The following PRAM1 variants were observed in gnomAD, a reference collection of about 807,000 sequenced individuals.
PRAM1 encodes PML-RARA regulated adaptor molecule 1, also known as PML-RARA-regulated adapter molecule 1.
Under a neutral mutation model 55.3 loss-of-function variants are expected in PRAM1, and 41 were observed. The observed-to-expected ratio is 0.74, with a 90% CI of 0.58 to 0.96. PRAM1 has a LOEUF of 0.96. Ranked by LOEUF, PRAM1 falls within the 40% of genes least tolerant of loss-of-function variation. The pLI, the probability that PRAM1 is intolerant of heterozygous loss-of-function variation, is 0.00. For missense variants in PRAM1, 898 were observed against 892.7 expected, an observed-to-expected ratio of 1.01 and a Z score of -0.08; for synonymous variants, 401 against 387.1, an observed-to-expected ratio of 1.04 and a Z score of -0.42.
rs937062538 is a variant in PRAM1 at position 8,490,539 on chromosome 19, G to C, written c.1907-30C>G. The C allele has an allele frequency of 1.2e-6, 2 of 1,606,168 alleles. No homozygotes were observed. Among genetic ancestry groups the C allele is most frequent in the Non-Finnish European group, 1.7e-6 (2 of 1,176,596 alleles). On this transcript the variant is annotated intron_variant, in intron 7 of 9. Coordinates refer to ENST00000423345, the MANE Select transcript of PRAM1 (RefSeq NM_032152.5). The surrounding 1 kb of genome is among the most constrained non-coding windows in gnomAD (Gnocchi z 7.3). ...GGAGAGAGTGGGCATGGTGGGTTCT[G>C]AGGCCCAGGGTGGCGGCGGGGACCT...
Position 8,498,266 on chromosome 19 carries a change from C to T in PRAM1, c.1456G>A (p.Ala486Thr), listed in dbSNP as rs757273249. ...SIDLRRTRSA[A>T]GLHFQDRQPE... ...TGTCGGTCCTGGAAGTGGAGCCCAGCGGCCGAGCGGGTCCTCCGTAGATCT... is the reference window on the plus strand; with the variant it reads ...TGTCGGTCCTGGAAGTGGAGCCCAGTGGCCGAGCGGGTCCTCCGTAGATCT... Residue 486 changes from alanine to threonine, a missense_variant, in exon 3 of 10, where the codon GCT becomes ACT. Ala to Thr is a moderately conservative substitution (Grantham distance 58). This residue lies in a region of PRAM1 where 787 missense variants were observed against 735.4 expected (regional missense o/e 1.07). Transcript: ENST00000423345. 3.7e-6 allele frequency: 6 copies of T among 1,612,420 alleles called. No homozygotes were observed. The highest frequency in any genetic ancestry group is 1.3e-5 in the African/African-American group (1 of 74,918).
In PRAM1 at chr19:8,502,554, C is replaced by G. The variant is rs766937167; in HGVS notation, c.27+11G>C. 6.1e-5 allele frequency: 93 copies of G among 1,517,690 alleles called. No individual in the cohort carries two copies. The highest frequency in any genetic ancestry group is 4.2e-4 in the Admixed American group (21 of 49,562). The allele number at this position is 1,517,690 out of a possible 1,614,324, so 94.0% of individuals were successfully genotyped here. On this transcript the variant is annotated intron_variant, in intron 1 of 9. Coordinates refer to ENST00000423345, the MANE Select transcript of PRAM1 (RefSeq NM_032152.5). ...CCAGCCAGTGAGGCACAGGCCTCTT[C>G]CAGCACTCACCATGGCTGCAGGCAG... is the stretch of plus-strand genomic sequence containing the variant.
Position 8,498,211 on chromosome 19 carries a change from C to T in PRAM1, c.1499+12G>A, listed in dbSNP as rs747443224. 1 of 1,610,590 alleles carries T rather than the reference C, an allele frequency of 6.2e-7. No homozygotes were observed. The highest frequency in any genetic ancestry group is 1.1e-5 in the South Asian group (1 of 90,426). Reference sequence around the variant, plus strand: ...CAATCCGCACCCACCTCCGCTTCCTCCCCACACTCACTGCGGGATGTCTTC... The same window carrying T: ...CAATCCGCACCCACCTCCGCTTCCTTCCCACACTCACTGCGGGATGTCTTC... On this transcript the variant is annotated intron_variant, in intron 3 of 9. Transcript: ENST00000423345.
intron 4 of PRAM1, among the ~76,000 whole-genome samples, chr19:8,494,776 CGCCTGCTACCACACCCA>C (rs1376369118): frequency 2.0e-5 from 3 of 151,096 alleles, no homozygotes; most frequent in Non-Finnish European, 4.4e-5. Context: ...GGATTACAGG[CGCCTGCTACCACACCCA>C]GCTAATTTTT....
At position 8,498,945 on chromosome 19, in the gene PRAM1, G is replaced by A; in HGVS notation, c.863C>T (p.Pro288Leu). 2 of 1,613,906 alleles carry A rather than the reference G, an allele frequency of 1.2e-6. No individual in the cohort carries two copies. The highest frequency in any genetic ancestry group is 2.2e-5 in the South Asian group (2 of 91,088). ...GGTCCTGGTGAGGTCCCCAAGCTCA[G>A]GCTGCGGAGGCTTCTTGGGAAAGTC... is the stretch of plus-strand genomic sequence containing the variant. ...LSDFPKKPPQ[P>L]ELGDLTRTSS... The change falls in exon 2 of 10, where the codon CCT becomes CTT. Residue 288 changes from proline (P) to leucine (L), a missense_variant. By Grantham distance (98) the Pro-to-Leu change is moderately conservative (BLOSUM62 -3). Transcript: ENST00000423345.
intron 4 of PRAM1, among the ~76,000 whole-genome samples, chr19:8,496,517 G>T (rs537397334): frequency 4.3e-4 from 66 of 152,134 alleles, no homozygotes; most frequent in African/African-American, 1.5e-3. Context: ...TTGAGGTCAG[G>T]AGCTTGAGAC....
At chr19:8,491,065 G>GCC (rs749377339) in intron 5 of PRAM1, 35 bp downstream of exon 5, 2 of 1,611,268 alleles carry the variant, frequency 1.2e-6, no homozygotes, top group Non-Finnish European at 1.7e-6. Flanking sequence ...CCTGGAGCTC[G>GCC]CCCCCCGTCT....
At chr19:8,492,046 C>G (rs186922772) in intron 4 of PRAM1, 2 of 152,218 alleles carry the variant, frequency 1.3e-5, no homozygotes, top group African/African-American at 4.8e-5. Context: ...ATTCTCCTCC[C>G]TCAACCTCCC....
Position 8,499,269 on chromosome 19 carries a change from G to C in PRAM1, c.539C>G (p.Pro180Arg), listed in dbSNP as rs200841911. Residue 180 changes from proline to arginine, a missense_variant, in exon 2 of 10, where the codon CCC (proline) becomes CGC (arginine). Pro to Arg is a moderately radical substitution (Grantham distance 103). Coordinates refer to ENST00000423345, the MANE Select transcript of PRAM1 (RefSeq NM_032152.5). ...PDELSHPARP[P>R]SEPKSGAFPR... ...GAATGCGCCGGATTTGGGTTCGGAGGGGGGTCTGGCGGGGTGACTGAGTTC... is the reference window on the plus strand; with the variant it reads ...GAATGCGCCGGATTTGGGTTCGGAGCGGGGTCTGGCGGGGTGACTGAGTTC... 6.2e-5 allele frequency: 100 copies of C among 1,610,674 alleles called. No homozygotes were observed. In the African/African-American group the frequency reaches 9.0e-4, roughly 14 times the overall value.
Position 8,498,541 on chromosome 19 carries a change from G to A in PRAM1, c.1267C>T (p.Leu423=), listed in dbSNP as rs1226980866. 4 of 1,609,842 alleles carry A rather than the reference G, an allele frequency of 2.5e-6. No individual in the cohort carries two copies. Among genetic ancestry groups the A allele is most frequent in the Middle Eastern group, 1.7e-4 (1 of 6,024 alleles). Residue 423 remains leucine, a synonymous_variant, in exon 2 of 10, where the codon CTG becomes TTG. Coordinates refer to ENST00000423345, the MANE Select transcript of PRAM1 (RefSeq NM_032152.5). The stretch of plus-strand genomic sequence containing the variant: ...GGCCTGGCCCCTCCACTGTGAACCA[G>A]GCCTCCTGACCTCCAGCGGGGTGTC... ...AGTPRWRSGG[L]VHSGGARPGL...
intron 4 of PRAM1, among the ~76,000 whole-genome samples, chr19:8,496,682 G>A (rs759288413): frequency 1.3e-5 from 2 of 151,922 alleles, no homozygotes; most frequent in East Asian, 1.9e-4. Flanking sequence ...CCAAGATCAC[G>A]GCACTGCACT....
Position 8,490,197 on chromosome 19 carries a change from C to T in PRAM1, c.2005G>A (p.Gly669Arg), listed in dbSNP as rs1324144812. 6.3e-7 allele frequency: 1 copy of T among 1,587,534 alleles called. No individual in the cohort carries two copies. Among genetic ancestry groups the T allele is most frequent in the East Asian group, 2.3e-5 (1 of 44,348 alleles). ...DPLENQPLPL[G>R]R is the part of the protein sequence containing the mutation. ...CCCCACGCCTACCGGTCTTACCGTC[C>T]CAGGGGGAGTGGTTGGTTTTCCAGG... is the stretch of plus-strand genomic sequence containing the variant. The change falls in exon 10 of 10, where the codon GGA (glycine) becomes AGA (arginine). Residue 669 changes from glycine (G) to arginine (R), a missense_variant. Around this residue, in one of 4 missense-constraint regions of PRAM1, gnomAD observed 787 missense variants for 735.4 expected, o/e 1.07. Transcript: ENST00000423345. The surrounding 1 kb of genome is among the most constrained non-coding windows in gnomAD (Gnocchi z 7.3).
rs372613103 is a variant in PRAM1 at position 8,490,334 on chromosome 19, G to C, written c.1975+4C>G. 2.5e-6 allele frequency: 4 copies of C among 1,613,980 alleles called. No individual in the cohort carries two copies. The South Asian group carries it at 4.4e-5, about 18-fold the overall frequency. On this transcript the variant is annotated splice_donor_region_variant and intron_variant, in intron 9 of 9. Transcript: ENST00000423345. This position sits in a 1 kb window ranked among gnomAD's most constrained non-coding sequence, Gnocchi z 7.3. ...CCTCCAGCCCTCCCAGAGTGTCCAC[G>C]TACCGCAGAAGTCGACATCATCGTA... is the stretch of plus-strand genomic sequence containing the variant.
At chr19:8,501,998 T>C (rs1311960980) in intron 1 of PRAM1, among the ~76,000 whole-genome samples, 1 of 152,084 alleles carries the variant, frequency 6.6e-6, no homozygotes, top group African/African-American at 2.4e-5. Context: ...GGCAGAAACG[T>C]GTGGCCTTTG....
chr19:8,494,636 C>CTTT (rs34294924), intron 4 of PRAM1, among the ~76,000 whole-genome samples: 6 of 141,806 alleles, frequency 4.2e-5, no homozygotes, highest in Admixed American at 7.1e-5. Flanking sequence ...ATTTTTTTTT[C>CTTT]TTTTTTTTTT....
chr19:8,500,637 G>A (rs767033255), intron 1 of PRAM1, among the ~76,000 whole-genome samples: 23 of 152,118 alleles, frequency 1.5e-4, no homozygotes, highest in South Asian at 4.1e-4. Context: ...ACTTCCCTCC[G>A]ACCTCGGGGC....
In PRAM1 at chr19:8,499,241, G is replaced by C; in HGVS notation, c.567C>G (p.Pro189=). The part of the protein sequence containing the change: ...PPSEPKSGAF[P]RKLWQPEAGE... The stretch of plus-strand genomic sequence containing the variant: ...CGGCCTCGGGTTGCCAGAGCTTCCT[G>C]GGGAATGCGCCGGATTTGGGTTCGG... Residue 189 remains proline (P), a synonymous_variant, in exon 2 of 10, where the codon CCC becomes CCG. Transcript: ENST00000423345. 6.2e-6 allele frequency: 10 copies of C among 1,612,316 alleles called. No individual in the cohort carries two copies. Among genetic ancestry groups the C allele is most frequent in the Non-Finnish European group, 8.5e-6 (10 of 1,178,980 alleles).
chr19:8,502,308 C>T (rs1391405655), intron 1 of PRAM1, among the ~76,000 whole-genome samples: 1 of 152,046 alleles, frequency 6.6e-6, no homozygotes, highest in African/African-American at 2.4e-5. Context: ...CGGGAGTTGT[C>T]CCCCCGGGGA....
At chr19:8,502,510 C>A in intron 1 of PRAM1, 55 bp downstream of exon 1, 1 of 1,139,104 alleles carries the variant, frequency 8.8e-7, no homozygotes, top group Non-Finnish European at 1.2e-6. Flanking sequence ...CTTCTGGGAA[C>A]ATCTGTGTCC....
Sources: gnomAD v4.1 joint callset for allele counts (sites outside exome capture counted in the v4.1 genomes callset) on GRCh38, gnomAD v4.1.1 for gene constraint, gnomAD v4.1.1 regional missense constraint, Gnocchi (gnomAD v3.1) non-coding constraint, MANE v1.5 for transcripts, NCBI Gene and HGNC (gene_info 2026-07-23, HGNC 2026-07-21) for gene names.